The following AUH variants were observed in gnomAD, a reference collection of about 807,000 sequenced individuals.
AUH encodes the protein methylglutaconyl-CoA hydratase, mitochondrial.
AUH carries 29 observed loss-of-function variants against 42.3 expected under a neutral mutation model. The ratio of observed to expected loss-of-function variants is 0.69; its 90% CI spans 0.51 to 0.93. AUH has a LOEUF of 0.93. Among genes scored for constraint, AUH ranks in the 40% least tolerant of loss-of-function variants. The pLI is 0.00. For synonymous variants in AUH, 174 were observed against 166.4 expected, an observed-to-expected ratio of 1.05 and a Z score of -0.35; for missense variants, 452 against 438.1, an observed-to-expected ratio of 1.03 and a Z score of -0.28.
chr9:91,259,752 G>GT (rs1385545606), intron 6 of AUH, among the ~76,000 whole-genome samples: 2 of 151,924 alleles, frequency 1.3e-5, no homozygotes, highest in Non-Finnish European at 2.9e-5. Context: ...ATGTCTTTCG[G>GT]TTTTTTATTT....
chr9:91,312,692 C>G (rs1185303536), intron 4 of AUH, among the ~76,000 whole-genome samples: 1 of 152,204 alleles, frequency 6.6e-6, no homozygotes, highest in African/African-American at 2.4e-5. Context: ...TGCCACTGCA[C>G]TCCAGCCTGA....
chr9:91,285,695 G>C (rs1010176042), intron 6 of AUH, among the ~76,000 whole-genome samples: 1 of 152,028 alleles, frequency 6.6e-6, no homozygotes, highest in Non-Finnish European at 1.5e-5. Context: ...AAAATGGTCT[G>C]TACACAGTAC....
intron 6 of AUH, among the ~76,000 whole-genome samples, chr9:91,285,091 A>G (rs1189435109): frequency 1.3e-5 from 2 of 152,230 alleles, no homozygotes; most frequent in African/African-American, 4.8e-5. Flanking sequence ...CTGGATTAAG[A>G]AAATGTGGCA....
intron 6 of AUH, among the ~76,000 whole-genome samples, chr9:91,241,574 CT>C (rs755644240): frequency 2.0e-5 from 3 of 151,838 alleles, no homozygotes; most frequent in Non-Finnish European, 2.9e-5. Context: ...TACATATATA[CT>C]TGTGTCAAAT....
intron 6 of AUH, among the ~76,000 whole-genome samples, chr9:91,246,560 A>G (rs1438722467): frequency 1.3e-5 from 2 of 152,246 alleles, no homozygotes; most frequent in Middle Eastern, 3.2e-3. Flanking sequence ...CTGAAATGAA[A>G]AACAAGATTG....
At chr9:91,242,651 G>T (rs1828585411) in intron 6 of AUH, among the ~76,000 whole-genome samples, 1 of 152,148 alleles carries the variant, frequency 6.6e-6, no homozygotes, top group African/African-American at 2.4e-5. Context: ...TGTAATAACT[G>T]TAACAATAAA....
intron 3 of AUH, among the ~76,000 whole-genome samples, chr9:91,336,224 C>CACAT (rs139334415): frequency 1.3e-5 from 2 of 152,244 alleles, no homozygotes; most frequent in South Asian, 2.1e-4. Context: ...TATATACACA[C>CACAT]ACATACATAC....
chr9:91,254,958 A>C (rs559978435), intron 6 of AUH, among the ~76,000 whole-genome samples: 1 of 152,348 alleles, frequency 6.6e-6, no homozygotes, highest in East Asian at 1.9e-4. Flanking sequence ...AGGACCTGGT[A>C]TACAGCATAA....
At chr9:91,269,576 A>C (rs1166444956) in intron 6 of AUH, among the ~76,000 whole-genome samples, 2 of 152,242 alleles carry the variant, frequency 1.3e-5, no homozygotes, top group African/African-American at 4.8e-5. Context: ...TTAATGAGAA[A>C]AGTACATTTT....
At position 91,286,545 on chromosome 9, in the gene AUH, T is replaced by C. The variant is rs562642169; in HGVS notation, c.655+9476A>G. Among the ~76,000 whole-genome samples, 38 of 152,198 alleles carry C rather than the reference T, an allele frequency of 2.5e-4. 2 individuals are homozygous for C. In the South Asian group the frequency reaches 7.3e-3, roughly 29 times the overall value. ...TACCCCAACCAAATGATCAAAGATA[T>C]TATCACCCAAAGTGGGATGACCTAA... On this transcript the variant is annotated intron_variant, in intron 6 of 9. Transcript: ENST00000375731.
intron 4 of AUH, among the ~76,000 whole-genome samples, chr9:91,318,934 CTTCT>C (rs1210643522): frequency 1.3e-5 from 2 of 152,188 alleles, no homozygotes; most frequent in African/African-American, 4.8e-5. Context: ...GTTATTTTGG[CTTCT>C]TTCTACAAGC....
At chr9:91,242,465 G>T (rs1828572762) in intron 6 of AUH, among the ~76,000 whole-genome samples, 1 of 152,160 alleles carries the variant, frequency 6.6e-6, no homozygotes. Flanking sequence ...AAGAATATGT[G>T]AACCACTTAT....
At chr9:91,297,475 A>G (rs548495772) in intron 5 of AUH, among the ~76,000 whole-genome samples, 1 of 152,248 alleles carries the variant, frequency 6.6e-6, no homozygotes, top group African/African-American at 2.4e-5. Context: ...ATTAACATCC[A>G]CAGATTAATT....
In AUH at chr9:91,361,785, C is replaced by G; in HGVS notation, c.105G>C (p.Arg35Ser). 1 of 1,543,048 alleles carries G rather than the reference C, an allele frequency of 6.5e-7. No individual in the cohort carries two copies. Among genetic ancestry groups the G allele is most frequent in the Non-Finnish European group, 8.7e-7 (1 of 1,145,896 alleles). ...ACSAWLCPGL[R>S]LPGSLAGRRA... ...GCCGGCCTGCCAACGAGCCGGGCAG[C>G]CTCAACCCCGGGCAGAGCCACGCAC... The change falls in exon 1 of 10, where the codon AGG becomes AGC. Residue 35 changes from arginine (R) to serine (S), a missense_variant. By Grantham distance (110) the Arg-to-Ser change is moderately radical (BLOSUM62 -1). Coordinates refer to ENST00000375731, the MANE Select transcript of AUH (RefSeq NM_001698.3).
chr9:91,230,570 C>T (rs931162114), intron 6 of AUH, among the ~76,000 whole-genome samples: 2 of 152,240 alleles, frequency 1.3e-5, no homozygotes, highest in East Asian at 1.9e-4. Flanking sequence ...AGTCATTCTC[C>T]GTCCAGCTTT....
intron 6 of AUH, among the ~76,000 whole-genome samples, chr9:91,233,668 A>G (rs1010404750): frequency 5.3e-5 from 8 of 152,208 alleles, no homozygotes; most frequent in Non-Finnish European, 1.0e-4. Context: ...GGAAAAAATG[A>G]AGATTACGTA....
intron 1 of AUH, chr9:91,360,350 T>C (rs568429398): frequency 1.3e-5 from 2 of 152,360 alleles, no homozygotes; most frequent in African/African-American, 4.8e-5. Context: ...TTTCTTACTA[T>C]TCTGCTTATG....
intron 4 of AUH, among the ~76,000 whole-genome samples, chr9:91,314,276 G>A (rs932429759): frequency 9.9e-5 from 15 of 152,110 alleles, no homozygotes; most frequent in African/African-American, 3.4e-4. Flanking sequence ...AGGCCAAGGC[G>A]GGAGGATCAC....
intron 6 of AUH, among the ~76,000 whole-genome samples, chr9:91,278,291 A>G (rs1825703557): frequency 2.6e-5 from 4 of 152,170 alleles, no homozygotes. Flanking sequence ...CTAGTTTCAC[A>G]GTGTAATCTT....
Sources: allele counts gnomAD v4.1 joint callset (sites outside exome capture counted in the v4.1 genomes callset), GRCh38; gene constraint gnomAD v4.1.1; transcripts MANE v1.5; gene names NCBI Gene and HGNC (gene_info 2026-07-23, HGNC 2026-07-21).